Variants in CNKSR2 observed in about 807,000 individuals in gnomAD.
CNKSR2 encodes CNK homolog protein 2.
CNKSR2 carries 14 observed loss-of-function variants against 84.4 expected under a neutral mutation model. The observed-to-expected ratio is 0.17, with a 90% confidence interval of 0.11 to 0.26. CNKSR2 has a LOEUF of 0.26. Among genes scored for constraint, CNKSR2 ranks in the 10% least tolerant of loss-of-function variants. The probability of loss-of-function intolerance (pLI) is 1.00; values close to 1 mark genes in which losing one functional copy is unlikely to be tolerated. For synonymous variants in CNKSR2, 275 were observed against 277.9 expected (o/e 0.99, Z 0.10); for missense variants, 485 against 771.2 (o/e 0.63, Z 4.40).
chrX:21,621,844 G>A (rs1185150799), intron 20 of CNKSR2, among the ~76,000 whole-genome samples: 2 of 110,137 alleles, frequency 1.8e-5, no homozygotes, highest in East Asian at 2.9e-4. Flanking sequence ...TTTGTCAAAC[G>A]AAATTAAAAA....
intron 11 of CNKSR2, among the ~76,000 whole-genome samples, chrX:21,535,477 T>G (rs1053267286): frequency 2.7e-5 from 3 of 111,648 alleles, no homozygotes; most frequent in Admixed American, 9.5e-5. Context: ...GTATAGTCAT[T>G]TTGACAATGT....
intron 20 of CNKSR2, chrX:21,642,597 TG>T: frequency 1.3e-6 from 1 of 744,717 alleles, no homozygotes; most frequent in Non-Finnish European, 1.6e-6. Context: ...TTTCATACTG[TG>T]CAATGAACAG....
intron 13 of CNKSR2, 97 bp downstream of exon 13, chrX:21,563,549 T>A: frequency 1.6e-6 from 1 of 632,990 alleles, no homozygotes. Flanking sequence ...ATCCTTTTAC[T>A]AGATTTTCAC....
intron 13 of CNKSR2, among the ~76,000 whole-genome samples, chrX:21,572,140 A>G (rs1193204310): frequency 1.8e-5 from 2 of 112,412 alleles, no homozygotes; most frequent in African/African-American, 6.5e-5. Context: ...AAACCCCTAC[A>G]TGGGAACAGT....
At chrX:21,550,745 G>A (rs1349858790) in intron 11 of CNKSR2, among the ~76,000 whole-genome samples, 1 of 111,595 alleles carries the variant, frequency 9.0e-6, no homozygotes, top group African/African-American at 3.3e-5. Context: ...CCATAAAAAA[G>A]GATGAGTTTG....
At chrX:21,521,501 C>G (rs1282547380) in intron 9 of CNKSR2, among the ~76,000 whole-genome samples, 2 of 110,263 alleles carry the variant, frequency 1.8e-5, no homozygotes, top group Non-Finnish European at 3.8e-5. Flanking sequence ...GTTAACATCC[C>G]CAAAATGATG....
intron 1 of CNKSR2, 165 bp from the exon 2 acceptor site, chrX:21,426,332 T>C (rs1288468084): frequency 9.2e-6 from 4 of 433,386 alleles, no homozygotes; most frequent in Non-Finnish European, 1.6e-5. Context: ...TTTTTCACTG[T>C]AGCCCATATG....
At chrX:21,456,345 T>C (rs1215897833) in intron 4 of CNKSR2, among the ~76,000 whole-genome samples, 1 of 111,494 alleles carries the variant, frequency 9.0e-6, no homozygotes, top group Non-Finnish European at 1.9e-5. Context: ...GACTGAAAGT[T>C]TGTGCCCTTT....
chrX:21,565,761 G>A (rs1419156095), intron 13 of CNKSR2, among the ~76,000 whole-genome samples: 3 of 111,374 alleles, frequency 2.7e-5, no homozygotes, highest in Non-Finnish European at 5.7e-5. Context: ...AACCAATGTT[G>A]TAAAAGAGAG....
At chrX:21,459,514 G>A (rs1031420213) in intron 4 of CNKSR2, among the ~76,000 whole-genome samples, 2 of 109,675 alleles carry the variant, frequency 1.8e-5, no homozygotes, top group African/African-American at 3.3e-5. Context: ...CCAATGATGC[G>A]TTCTGCTTGG....
At chrX:21,474,720 C>T (rs1039474118) in intron 5 of CNKSR2, among the ~76,000 whole-genome samples, 4 of 111,520 alleles carry the variant, frequency 3.6e-5, no homozygotes, top group African/African-American at 1.3e-4. Context: ...TAATGAAACG[C>T]CTCTAAGTGG....
intron 2 of CNKSR2, among the ~76,000 whole-genome samples, chrX:21,431,570 A>G (rs1200612828): frequency 8.9e-6 from 1 of 112,036 alleles, no homozygotes; most frequent in Non-Finnish European, 1.9e-5. Flanking sequence ...GTAAGGTGGT[A>G]ATAACTTTAA....
intron 4 of CNKSR2, among the ~76,000 whole-genome samples, chrX:21,461,479 G>A (rs976527447): frequency 2.7e-5 from 3 of 111,347 alleles, no homozygotes; most frequent in Non-Finnish European, 3.8e-5. Context: ...CTCCCATGTT[G>A]TGGCTTGTCT....
At chrX:21,438,497 A>G (rs963126232) in intron 3 of CNKSR2, among the ~76,000 whole-genome samples, 9 of 111,734 alleles carry the variant, frequency 8.1e-5, no homozygotes, top group Non-Finnish European at 1.7e-4. Flanking sequence ...CCTTTGGAAA[A>G]TAAATAATGA....
intron 5 of CNKSR2, among the ~76,000 whole-genome samples, chrX:21,471,400 T>A (rs1291229932): frequency 1.8e-5 from 2 of 112,095 alleles, no homozygotes; most frequent in Non-Finnish European, 3.8e-5. Context: ...CATTTCTTGA[T>A]CAATGCTAGT....
chrX:21,523,569 A>G (rs947669022), intron 9 of CNKSR2, among the ~76,000 whole-genome samples: 3 of 110,895 alleles, frequency 2.7e-5, no homozygotes, highest in African/African-American at 9.8e-5. Flanking sequence ...TGTTGCCAGG[A>G]TAGGAGAAGC....
chrX:21,641,768 T>C (rs1356197732), intron 20 of CNKSR2: 22 of 1,026,016 alleles, frequency 2.1e-5, no homozygotes, highest in Non-Finnish European at 4.9e-6. Context: ...TCAAGTGTTT[T>C]GGATTGGGGG....
At chrX:21,638,754 TAAC>T (rs2092682175) in intron 20 of CNKSR2, among the ~76,000 whole-genome samples, 1 of 112,401 alleles carries the variant, frequency 8.9e-6, no homozygotes, top group Non-Finnish European at 1.9e-5. Flanking sequence ...AAATTTATTT[TAAC>T]AGCAGCAGTA....
chrX:21,398,898 A>G (rs2090153274), intron 1 of CNKSR2, among the ~76,000 whole-genome samples: 2 of 110,806 alleles, frequency 1.8e-5, no homozygotes, highest in Admixed American at 9.7e-5. Context: ...ATATGTTAAA[A>G]TGAAAGCACC....
Sources: allele counts gnomAD v4.1 joint callset (sites outside exome capture counted in the v4.1 genomes callset), GRCh38; gene constraint gnomAD v4.1.1; transcripts MANE v1.5; gene names NCBI Gene and HGNC (gene_info 2026-07-23, HGNC 2026-07-21).